The following MAGI2 variants were observed in gnomAD, a reference collection of about 807,000 sequenced individuals.
MAGI2 encodes the protein membrane associated guanylate kinase, WW and PDZ domain containing 2.
A neutral mutation model predicts 133.3 loss-of-function variants in MAGI2; 35 were observed. That is an observed-to-expected ratio of 0.26 (90% CI 0.20 to 0.35). The LOEUF is 0.35. Ranked by LOEUF, MAGI2 falls within the 10% of genes least tolerant of loss-of-function variation. The pLI is 1.00. For synonymous variants in MAGI2, 729 were observed against 710.6 expected, an observed-to-expected ratio of 1.03 and a Z score of -0.41; for missense variants, 1,636 against 1,863.4, an observed-to-expected ratio of 0.88 and a Z score of 2.25.
At chr7:78,936,171 G>T (rs765853585) in intron 2 of MAGI2, among the ~76,000 whole-genome samples, 2 of 151,498 alleles carry the variant, frequency 1.3e-5, no homozygotes, top group African/African-American at 4.8e-5. Context: ...TGAAAACAAA[G>T]CAAATCTAAA....
intron 1 of MAGI2, among the ~76,000 whole-genome samples, chr7:79,116,696 C>G (rs1174183371): frequency 6.6e-6 from 1 of 152,130 alleles, no homozygotes; most frequent in Non-Finnish European, 1.5e-5. Context: ...GGGCAAATCC[C>G]TCATGAATGG....
chr7:78,938,883 A>T (rs1443073987), intron 2 of MAGI2, among the ~76,000 whole-genome samples: 1 of 152,230 alleles, frequency 6.6e-6, no homozygotes, highest in Non-Finnish European at 1.5e-5. Flanking sequence ...AATAACAAGA[A>T]TATAAACAGA....
At chr7:78,382,720 C>G (rs1165219751) in intron 6 of MAGI2, among the ~76,000 whole-genome samples, 1 of 151,972 alleles carries the variant, frequency 6.6e-6, no homozygotes, top group Non-Finnish European at 1.5e-5. Flanking sequence ...TCTTATTGTA[C>G]TTTTGCACCC....
At chr7:78,115,770 G>A (rs1196999751) in intron 20 of MAGI2, among the ~76,000 whole-genome samples, 1 of 152,196 alleles carries the variant, frequency 6.6e-6, no homozygotes, top group Non-Finnish European at 1.5e-5. Flanking sequence ...AGGATTGCTT[G>A]AGCTTAGGAG....
At chr7:78,353,385 G>A (rs1356319457) in intron 7 of MAGI2, among the ~76,000 whole-genome samples, 1 of 152,138 alleles carries the variant, frequency 6.6e-6, no homozygotes, top group Non-Finnish European at 1.5e-5. Flanking sequence ...TTTCCCTCAG[G>A]AGGCTCATGC....
At chr7:78,201,703 A>T (rs1441437392) in intron 10 of MAGI2, among the ~76,000 whole-genome samples, 1 of 152,216 alleles carries the variant, frequency 6.6e-6, no homozygotes, top group Non-Finnish European at 1.5e-5. Flanking sequence ...GTTCCACTAT[A>T]AATTTTTGTG....
chr7:78,539,984 A>T (rs1380529661), intron 3 of MAGI2, among the ~76,000 whole-genome samples: 1 of 152,174 alleles, frequency 6.6e-6, no homozygotes, highest in Non-Finnish European at 1.5e-5. Context: ...TTATTCTTTT[A>T]TGAGTTGCTG....
chr7:79,268,949 A>G (rs1043923696), intron 1 of MAGI2, among the ~76,000 whole-genome samples: 2 of 152,208 alleles, frequency 1.3e-5, no homozygotes, highest in African/African-American at 4.8e-5. Flanking sequence ...TGCCTTGTTT[A>G]AAAAGCACTT....
intron 1 of MAGI2, among the ~76,000 whole-genome samples, chr7:79,020,328 C>CA (rs1203072182): frequency 6.6e-6 from 1 of 152,062 alleles, no homozygotes; most frequent in Non-Finnish European, 1.5e-5. Context: ...TATGTATTCA[C>CA]AAAAATATGT....
intron 1 of MAGI2, among the ~76,000 whole-genome samples, chr7:79,280,453 A>T (rs989172377): frequency 6.6e-6 from 1 of 152,182 alleles, no homozygotes; most frequent in Admixed American, 6.6e-5. Context: ...GTCCTTGTAA[A>T]GGGAAAATAT....
At chr7:78,245,906 G>T (rs921541163) in intron 10 of MAGI2, among the ~76,000 whole-genome samples, 2 of 152,162 alleles carry the variant, frequency 1.3e-5, no homozygotes, top group Non-Finnish European at 2.9e-5. Flanking sequence ...ACTACTGCTA[G>T]GTTATGTCCT....
intron 1 of MAGI2, among the ~76,000 whole-genome samples, chr7:79,073,686 A>G (rs1257941896): frequency 6.6e-6 from 1 of 151,728 alleles, no homozygotes; most frequent in Non-Finnish European, 1.5e-5. Flanking sequence ...CCTTCTTAAA[A>G]TCTTTCCCAT....
chr7:79,379,879 T>TA (rs1041088899), intron 1 of MAGI2, among the ~76,000 whole-genome samples: 21 of 151,862 alleles, frequency 1.4e-4, no homozygotes, highest in African/African-American at 4.8e-4. Context: ...TTTTTTCTTG[T>TA]AAATTTGTTT....
chr7:79,260,186 T>G (rs377469052), intron 1 of MAGI2, among the ~76,000 whole-genome samples: 16 of 152,232 alleles, frequency 1.1e-4, no homozygotes, highest in African/African-American at 3.4e-4. Context: ...AAACCCTGTC[T>G]CTATCAAAAA....
chr7:78,403,904 A>G lies in MAGI2; in HGVS notation c.1046-34691T>C, dbSNP rs139146476. The stretch of plus-strand genomic sequence containing the variant: ...CTGTTTGCAGATGACATGATTGTGT[A>G]TTTAGAAAACCCCATCATCTTAGCC... On this transcript the variant is annotated intron_variant, in intron 6 of 21. Coordinates refer to ENST00000354212, the MANE Select transcript of MAGI2 (RefSeq NM_012301.4). Among the ~76,000 whole-genome samples the G allele has an allele frequency of 5.1e-3, 778 of 152,324 alleles. 8 individuals carry two copies. Among genetic ancestry groups the G allele is most frequent in the African/African-American group, 0.017 (695 of 41,564 alleles).
Position 78,179,076 on chromosome 7 carries a change from C to T in MAGI2, c.2312-974G>A, listed in dbSNP as rs186975545. ...ATACTTCAGTTGTGACCAAGCTGCG[C>T]ATACTTTCATGTCCACTGCTGGGGT... On this transcript the variant is annotated intron_variant, in intron 13 of 21. Transcript: ENST00000354212. Among the ~76,000 whole-genome samples the T allele has an allele frequency of 4.3e-3, 660 of 152,352 alleles. 3 individuals are homozygous for T. The highest frequency in any genetic ancestry group is 0.017 in the Middle Eastern group (5 of 294).
intron 10 of MAGI2, among the ~76,000 whole-genome samples, chr7:78,202,909 T>C (rs1054743589): frequency 3.9e-5 from 6 of 152,156 alleles, no homozygotes; most frequent in Non-Finnish European, 8.8e-5. Context: ...AATCGCATCC[T>C]TTTTGGAAAG....
At chr7:78,588,397 G>A (rs1803640783) in intron 3 of MAGI2, among the ~76,000 whole-genome samples, 1 of 152,192 alleles carries the variant, frequency 6.6e-6, no homozygotes, top group African/African-American at 2.4e-5. Flanking sequence ...TGTGAAATAT[G>A]CATAGTTATT....
At chr7:78,133,452 C>A (rs1005682018) in intron 17 of MAGI2, among the ~76,000 whole-genome samples, 1 of 152,146 alleles carries the variant, frequency 6.6e-6, no homozygotes, top group African/African-American at 2.4e-5. Context: ...CCTGAAGAGT[C>A]TTCCAAAGTG....
Sources: gnomAD v4.1 joint callset for allele counts (sites outside exome capture counted in the v4.1 genomes callset) on GRCh38, gnomAD v4.1.1 for gene constraint, MANE v1.5 for transcripts, NCBI Gene and HGNC (gene_info 2026-07-23, HGNC 2026-07-21) for gene names.